RANBP2: variants seen among roughly 807,000 people sequenced by gnomAD.
RANBP2 encodes the protein E3 SUMO-protein ligase RanBP2.
In RANBP2, 57 loss-of-function variants were observed where a neutral mutation model predicts 303.6. That is an observed-to-expected ratio of 0.19 (90% CI 0.15 to 0.23). RANBP2 has a LOEUF of 0.23. RANBP2 is among the 10% of genes least tolerant of loss of function. The pLI, the probability that RANBP2 is intolerant of heterozygous loss-of-function variation, is 1.00. For missense variants in RANBP2, 3,138 were observed against 3,780.8 expected, an observed-to-expected ratio of 0.83 and a Z score of 4.46; for synonymous variants, 1,167 against 1,301.5, an observed-to-expected ratio of 0.90 and a Z score of 2.23.
the RANBP2 span, among the ~76,000 whole-genome samples, chr2:109,236,750 A>G: frequency 1.3e-5 from 2 of 152,308 alleles, no homozygotes; most frequent in East Asian, 3.9e-4. Flanking sequence ...TCCTGTTTGC[A>G]AACTGGTGCT....
the RANBP2 span, among the ~76,000 whole-genome samples, chr2:109,540,798 C>CACAAA: frequency 7.6e-6 from 1 of 131,226 alleles, no homozygotes; most frequent in Non-Finnish European, 1.6e-5. Context: ...AAGACCCTGT[C>CACAAA]AAAAAAAAAA....
chr2:108,887,710 T>G, the RANBP2 span, among the ~76,000 whole-genome samples: 2 of 152,218 alleles, frequency 1.3e-5, no homozygotes, highest in Non-Finnish European at 2.9e-5. Flanking sequence ...CTACTGATTT[T>G]TATATGTTGG....
chr2:108,834,501 C>T, the RANBP2 span, among the ~76,000 whole-genome samples: 4 of 152,178 alleles, frequency 2.6e-5, no homozygotes, highest in Admixed American at 1.3e-4. Flanking sequence ...AGGCATGAGC[C>T]ACCATGCCTG....
the RANBP2 span, among the ~76,000 whole-genome samples, chr2:108,958,419 A>C: frequency 0.023 from 3,483 of 152,020 alleles, 112 homozygotes; most frequent in African/African-American, 0.079. Context: ...GAAAAAAAAA[A>C]CAAAAAACAA....
the RANBP2 span, among the ~76,000 whole-genome samples, chr2:109,691,648 A>C: frequency 6.6e-6 from 1 of 152,084 alleles, no homozygotes; most frequent in Non-Finnish European, 1.5e-5. Context: ...CAGAAGGGGT[A>C]AGGAGGGGAT....
chr2:109,696,978 A>G, the RANBP2 span, among the ~76,000 whole-genome samples: 1 of 152,116 alleles, frequency 6.6e-6, no homozygotes, highest in East Asian at 1.9e-4. Context: ...GGATCTTATT[A>G]TGTTGTCCAG....
At chr2:109,370,543 G>A in the RANBP2 span, among the ~76,000 whole-genome samples, 5 of 152,072 alleles carry the variant, frequency 3.3e-5, no homozygotes, top group African/African-American at 1.2e-4. Context: ...CCGGCCATCT[G>A]TCTCTCTTGA....
At chr2:109,618,906 C>G in the RANBP2 span, 2,619 of 167,104 alleles carry the variant, frequency 0.016, 88 homozygotes, top group African/African-American at 0.058. Flanking sequence ...GTTGCCTTGT[C>G]TCTCCTATTT....
the RANBP2 span, among the ~76,000 whole-genome samples, chr2:108,887,363 T>G: frequency 2.0e-5 from 3 of 152,206 alleles, no homozygotes; most frequent in African/African-American, 7.2e-5. Context: ...TGAGCTCTTT[T>G]TCTGTTTCCA....
At chr2:108,780,795 C>T (rs1167452062) in intron 25 of RANBP2, among the ~76,000 whole-genome samples, 2 of 150,808 alleles carry the variant, frequency 1.3e-5, no homozygotes, top group East Asian at 2.0e-4. Context: ...CCGCAACCTC[C>T]GCCTCCTGGG....
chr2:108,856,020 G>A, the RANBP2 span, among the ~76,000 whole-genome samples: 3 of 152,178 alleles, frequency 2.0e-5, no homozygotes, highest in Non-Finnish European at 4.4e-5. Context: ...AAAAGCACAA[G>A]GTAAGACTGC....
At chr2:108,992,645 C>T in the RANBP2 span, among the ~76,000 whole-genome samples, 49 of 152,354 alleles carry the variant, frequency 3.2e-4, 1 homozygote, top group South Asian at 9.7e-3. Flanking sequence ...CAGGAAATGA[C>T]ATTGCTCAAA....
At chr2:109,579,746 G>A in the RANBP2 span, among the ~76,000 whole-genome samples, 4 of 151,914 alleles carry the variant, frequency 2.6e-5, no homozygotes, top group Non-Finnish European at 5.9e-5. Flanking sequence ...CTAATCTTAT[G>A]CAAATTTTTC....
At chr2:109,061,535 G>A in the RANBP2 span, among the ~76,000 whole-genome samples, 1 of 152,112 alleles carries the variant, frequency 6.6e-6, no homozygotes, top group South Asian at 2.1e-4. Flanking sequence ...AGAACAGGGA[G>A]ACACTGAGGT....
the RANBP2 span, among the ~76,000 whole-genome samples, chr2:109,172,399 G>A: frequency 1.3e-5 from 2 of 152,190 alleles, no homozygotes; most frequent in Non-Finnish European, 2.9e-5. Flanking sequence ...TGCTCCTGGA[G>A]GTCTTCCTTT....
chr2:109,318,980 C>A, the RANBP2 span, among the ~76,000 whole-genome samples: 1 of 152,316 alleles, frequency 6.6e-6, no homozygotes, highest in Admixed American at 6.5e-5. Flanking sequence ...AAGTGTCTGT[C>A]CCAGAACAGA....
chr2:108,985,142 T>G, the RANBP2 span, among the ~76,000 whole-genome samples: 3 of 152,352 alleles, frequency 2.0e-5, no homozygotes, highest in East Asian at 3.9e-4. Flanking sequence ...AGACTAATAC[T>G]GTATCTTATT....
the RANBP2 span, among the ~76,000 whole-genome samples, chr2:109,700,337 C>T: frequency 2.6e-5 from 4 of 152,240 alleles, no homozygotes; most frequent in South Asian, 4.1e-4. Flanking sequence ...GTCCTGATGA[C>T]GTACCTAAGG....
At chr2:109,233,006 G>A in the RANBP2 span, among the ~76,000 whole-genome samples, 2 of 152,212 alleles carry the variant, frequency 1.3e-5, no homozygotes, top group African/African-American at 2.4e-5. Flanking sequence ...GCCACCATGT[G>A]CTCAAACCCC....
Sources: allele counts gnomAD v4.1 joint callset (sites outside exome capture counted in the v4.1 genomes callset), GRCh38; gene constraint gnomAD v4.1.1; transcripts MANE v1.5; gene names NCBI Gene and HGNC (gene_info 2026-07-23, HGNC 2026-07-21).